The following CCDC141 variants were observed in gnomAD, a reference collection of about 807,000 sequenced individuals.
The protein encoded by CCDC141 is coiled-coil domain containing 141.
In CCDC141, 168 loss-of-function variants were observed where a neutral mutation model predicts 181.0. That is an observed-to-expected ratio of 0.93 (90% confidence interval 0.82 to 1.05). CCDC141 has a LOEUF of 1.05. Among genes scored for constraint, CCDC141 ranks in the 50% least tolerant of loss-of-function variants. The pLI is 0.00. For synonymous variants in CCDC141, 666 were observed against 642.3 expected (o/e 1.04, Z -0.56); for missense variants, 1,902 against 1,788.5 (o/e 1.06, Z -1.14).
At chr2:178,974,015 T>TTA (rs1326032153) in intron 4 of CCDC141, among the ~76,000 whole-genome samples, 1 of 152,138 alleles carries the variant, frequency 6.6e-6, no homozygotes, top group Non-Finnish European at 1.5e-5. Context: ...TCAGTGGAAA[T>TTA]TATATATATG....
At chr2:178,959,231 A>T (rs1690292542) in intron 5 of CCDC141, among the ~76,000 whole-genome samples, 4 of 152,130 alleles carry the variant, frequency 2.6e-5, no homozygotes. Flanking sequence ...AACATGGCAC[A>T]TGTGTACATA....
chr2:179,018,923 T>C (rs2042620601), intron 2 of CCDC141, among the ~76,000 whole-genome samples: 1 of 152,162 alleles, frequency 6.6e-6, no homozygotes, highest in African/African-American at 2.4e-5. Context: ...GATAAGTCAA[T>C]GAAATATGTT....
intron 1 of CCDC141, among the ~76,000 whole-genome samples, chr2:179,048,740 G>T (rs1212271350): frequency 1.3e-5 from 2 of 152,156 alleles, no homozygotes; most frequent in Non-Finnish European, 2.9e-5. Context: ...GCAGAGGCCT[G>T]GTTCCTGTGG....
At chr2:178,968,445 G>A (rs1021258916) in intron 4 of CCDC141, among the ~76,000 whole-genome samples, 5 of 152,040 alleles carry the variant, frequency 3.3e-5, no homozygotes, top group East Asian at 1.9e-4. Flanking sequence ...ACTCAAAACC[G>A]CACAACTACA....
chr2:179,029,018 T>C (rs2042933757), intron 2 of CCDC141, among the ~76,000 whole-genome samples: 1 of 152,178 alleles, frequency 6.6e-6, no homozygotes, highest in Non-Finnish European at 1.5e-5. Flanking sequence ...CTATTCTCCA[T>C]AACAATGTAG....
chr2:178,866,954 C>T (rs1297053012), intron 16 of CCDC141, among the ~76,000 whole-genome samples: 2 of 152,122 alleles, frequency 1.3e-5, no homozygotes, highest in African/African-American at 2.4e-5. Flanking sequence ...TTGAACTTCT[C>T]GGCCTCCTAA....
intron 18 of CCDC141, among the ~76,000 whole-genome samples, chr2:178,855,933 G>C (rs1293667522): frequency 6.6e-6 from 1 of 152,314 alleles, no homozygotes; most frequent in African/African-American, 2.4e-5. Context: ...TGATGACATA[G>C]ATGGATGCAA....
At chr2:178,969,803 G>A (rs188485094) in intron 4 of CCDC141, among the ~76,000 whole-genome samples, 10 of 152,206 alleles carry the variant, frequency 6.6e-5, no homozygotes, top group South Asian at 4.2e-4. Flanking sequence ...AGAAATAAAC[G>A]GTATTCAAAT....
chr2:179,036,588 A>G (rs116813025), intron 2 of CCDC141, among the ~76,000 whole-genome samples: 1 of 152,210 alleles, frequency 6.6e-6, no homozygotes, highest in Non-Finnish European at 1.5e-5. Flanking sequence ...AGGGAAAGTC[A>G]CCAGGAAGTT....
chr2:178,865,925 G>A lies in CCDC141; in HGVS notation c.2575-9C>T, dbSNP rs1685833207. On this transcript the variant is annotated splice_polypyrimidine_tract_variant and intron_variant, in intron 16 of 23. Transcript: ENST00000443758. ...GAAACATTAGAGCAGTGCTAAAAGA[G>A]ACAAATGGTGGTAACAGAGAGAAAG... The A allele has an allele frequency of 2.7e-6, 4 of 1,508,540 alleles. No homozygotes were observed. The African/African-American group carries it at 5.6e-5, about 21-fold the overall frequency. The allele number at this position is 1,508,540 out of a possible 1,614,324, so 93.4% of individuals were successfully genotyped here. A position where few individuals can be genotyped will look rare whatever the true frequency, so the allele number is the denominator to read the frequency against.
At chr2:179,004,205 T>C (rs1427182479) in intron 2 of CCDC141, among the ~76,000 whole-genome samples, 1 of 152,176 alleles carries the variant, frequency 6.6e-6, no homozygotes, top group Non-Finnish European at 1.5e-5. Context: ...GGCTGAAGAC[T>C]GCATTAATGA....
At chr2:178,976,372 T>A (rs916895918) in intron 3 of CCDC141, among the ~76,000 whole-genome samples, 1 of 152,210 alleles carries the variant, frequency 6.6e-6, no homozygotes, top group Non-Finnish European at 1.5e-5. Flanking sequence ...TTCTTAATAT[T>A]TTAATGTAAC....
At chr2:178,977,161 C>T (rs932695656) in intron 3 of CCDC141, among the ~76,000 whole-genome samples, 8 of 152,144 alleles carry the variant, frequency 5.3e-5, no homozygotes, top group East Asian at 1.9e-4. Flanking sequence ...TAAAAGCTCA[C>T]GCAAGTGTAA....
intron 2 of CCDC141, among the ~76,000 whole-genome samples, chr2:178,979,961 T>A (rs559180371): frequency 5.1e-4 from 78 of 152,264 alleles, no homozygotes; most frequent in African/African-American, 1.9e-3. Context: ...AACTTGTTTT[T>A]AAAGAAAGAA....
rs1684521341 is a variant in CCDC141, at chr2:178,837,295, CTT to C, written c.3922_3923del (p.Lys1308GlufsTer10). 3 of 1,613,990 alleles carry C rather than the reference CTT, an allele frequency of 1.9e-6. 1 individual carries two copies. The South Asian group carries it at 3.3e-5, about 18-fold the overall frequency. ...PPLTSRGFVE[K>X]STALHRISAE... ...CACTGATTCTGTGTAAGGCAGTACTCTTTTCCACGAATCCTCTGGAGGTTAGT... is the reference window on the plus strand; with the variant it reads ...CACTGATTCTGTGTAAGGCAGTACTCTTCCACGAATCCTCTGGAGGTTAGT... On this transcript the variant is annotated frameshift_variant, in exon 23 of 24. Transcript: ENST00000443758. LOFTEE classifies it high-confidence loss of function.
chr2:178,837,198 C>A lies in CCDC141; in HGVS notation c.4021G>T (p.Gly1341Cys). The change falls in exon 23 of 24, where the codon GGT becomes TGT. Residue 1341 changes from glycine (G) to cysteine (C), a missense_variant. By Grantham distance (159) the Gly-to-Cys change is radical (BLOSUM62 -3). Coordinates refer to ENST00000443758, the MANE Select transcript of CCDC141 (RefSeq NM_173648.4). ...ALQQHPQAQG[G>C]LLETREKMHA... Reference sequence around the variant, plus strand: ...ATTTTCTCCCGTGTTTCTAGCAAACCACCCTGAGCCTGAGGGTGCTGCTGT... The same window carrying A: ...ATTTTCTCCCGTGTTTCTAGCAAACAACCCTGAGCCTGAGGGTGCTGCTGT... 1 of 1,613,958 alleles carries A rather than the reference C, an allele frequency of 6.2e-7. No individual in the cohort carries two copies. Among genetic ancestry groups the A allele is most frequent in the East Asian group, 2.2e-5 (1 of 44,838 alleles).
chr2:179,014,591 C>A (rs986365254), intron 2 of CCDC141, among the ~76,000 whole-genome samples: 2 of 151,912 alleles, frequency 1.3e-5, no homozygotes, highest in African/African-American at 4.8e-5. Context: ...AACAAACAAT[C>A]CCATCAAAAA....
intron 11 of CCDC141, among the ~76,000 whole-genome samples, chr2:178,881,319 C>T (rs1686596874): frequency 6.6e-6 from 1 of 152,068 alleles, no homozygotes; most frequent in Non-Finnish European, 1.5e-5. Context: ...TGGACATATA[C>T]TAAAACTGGA....
intron 6 of CCDC141, among the ~76,000 whole-genome samples, chr2:178,928,122 A>G (rs372944581): frequency 6.6e-6 from 1 of 152,188 alleles, no homozygotes; most frequent in African/African-American, 2.4e-5. Flanking sequence ...AAACAGAGAA[A>G]CCGGGTGACT....
Sources: gnomAD v4.1 joint callset for allele counts (sites outside exome capture counted in the v4.1 genomes callset) on GRCh38, gnomAD v4.1.1 for gene constraint, MANE v1.5 for transcripts, NCBI Gene and HGNC (gene_info 2026-07-23, HGNC 2026-07-21) for gene names.